GRB2: variants seen among roughly 807,000 people sequenced by gnomAD.
GRB2 encodes growth factor receptor bound protein 2, also known as growth factor receptor-bound protein 2.
Under a neutral mutation model 27.4 loss-of-function variants are expected in GRB2, and 2 were observed. The observed-to-expected ratio is 0.07, with a 90% CI of 0.03 to 0.23. The LOEUF (loss-of-function observed/expected upper bound fraction) is 0.23. Ranked by LOEUF, GRB2 falls within the 10% of genes least tolerant of loss-of-function variation. The pLI is 1.00. For missense variants in GRB2, 102 were observed against 282.4 expected (o/e 0.36, Z 4.58); for synonymous variants, 94 against 99.6 (o/e 0.94, Z 0.33).
chr17:75,393,820 C>T, intron 1 of GRB2, 55 bp from the exon 2 acceptor site: 1 of 557,636 alleles, frequency 1.8e-6, no homozygotes, highest in Non-Finnish European at 3.2e-6. Flanking sequence ...GGCAACCCCG[C>T]CCTGCCAATC....
rs941415049 is a variant in GRB2 at position 75,339,081 on chromosome 17, T to C, written c.79-6284A>G. The C allele has an allele frequency of 1.9e-5, 26 of 1,361,262 alleles. No homozygotes were observed. The South Asian group carries it at 2.9e-4, about 15-fold the overall frequency. 84.3% of individuals were successfully genotyped at this position (1,361,262 alleles called of 1,614,324 possible). ...GCAGATCTAAGAGAATGCTGGCTAT[T>C]AAAAGATGCAAGCATTTTGAACTGG... On this transcript the variant is annotated intron_variant, in intron 2 of 5. Coordinates refer to ENST00000316804, the MANE Select transcript of GRB2 (RefSeq NM_002086.5).
intron 2 of GRB2, among the ~76,000 whole-genome samples, chr17:75,374,701 C>T (rs1201516293): frequency 6.6e-6 from 1 of 151,868 alleles, no homozygotes; most frequent in Non-Finnish European, 1.5e-5. Context: ...GTGGGAAGAT[C>T]GCTGGAGCCC....
chr17:75,331,500 C>T (rs936434885), intron 3 of GRB2, among the ~76,000 whole-genome samples: 16 of 152,136 alleles, frequency 1.1e-4, no homozygotes, highest in Non-Finnish European at 2.1e-4. Context: ...ATAAGAATTT[C>T]GAGCCACAGG....
chr17:75,353,490 C>T (rs758657030), intron 2 of GRB2, among the ~76,000 whole-genome samples: 2 of 151,972 alleles, frequency 1.3e-5, no homozygotes, highest in African/African-American at 2.4e-5. Flanking sequence ...TTACCGGGCG[C>T]GGTGGCTCAC....
chr17:75,370,538 G>T (rs375384432), intron 2 of GRB2, among the ~76,000 whole-genome samples: 92 of 152,312 alleles, frequency 6.0e-4, no homozygotes, highest in African/African-American at 2.2e-3. Flanking sequence ...GAAATACAGA[G>T]ACACAATTAA....
intron 4 of GRB2, among the ~76,000 whole-genome samples, chr17:75,324,366 ATTTTTTTT>A (rs1156329058): frequency 3.2e-5 from 3 of 93,630 alleles, no homozygotes; most frequent in African/African-American, 1.1e-4. Context: ...CCATTTTTGT[ATTTTTTTT>A]TTTTTTTTTT....
At chr17:75,400,059 G>A (rs1262410396) in intron 1 of GRB2, among the ~76,000 whole-genome samples, 1 of 151,466 alleles carries the variant, frequency 6.6e-6, no homozygotes, top group Non-Finnish European at 1.5e-5. Flanking sequence ...TGCAGTGGGT[G>A]CCATCTTGGC....
intron 2 of GRB2, among the ~76,000 whole-genome samples, chr17:75,336,992 C>T (rs1307849470): frequency 1.3e-5 from 2 of 152,186 alleles, no homozygotes; most frequent in Non-Finnish European, 2.9e-5. Context: ...CCTACCTTGG[C>T]CTCTCAAAGT....
At chr17:75,335,515 T>A (rs1567859257) in intron 2 of GRB2, among the ~76,000 whole-genome samples, 1 of 152,212 alleles carries the variant, frequency 6.6e-6, no homozygotes, top group East Asian at 1.9e-4. Context: ...GAATGACAGA[T>A]GATCGACAAC....
intron 2 of GRB2, among the ~76,000 whole-genome samples, chr17:75,360,124 T>G (rs1181969639): frequency 6.6e-6 from 1 of 152,150 alleles, no homozygotes; most frequent in Non-Finnish European, 1.5e-5. Flanking sequence ...TCTAATATAC[T>G]TAAACAGTCA....
chr17:75,351,156 G>T (rs1389342553), intron 2 of GRB2, among the ~76,000 whole-genome samples: 1 of 151,982 alleles, frequency 6.6e-6, no homozygotes, highest in Non-Finnish European at 1.5e-5. Context: ...TAGGGTAGGG[G>T]GCTTCTGACT....
At chr17:75,367,766 G>A (rs116390083) in intron 2 of GRB2, among the ~76,000 whole-genome samples, 29 of 152,252 alleles carry the variant, frequency 1.9e-4, no homozygotes, top group African/African-American at 6.0e-4. Flanking sequence ...TTCTGTTAAT[G>A]ACACCAATAT....
At chr17:75,329,666 G>A (rs2078525878) in intron 3 of GRB2, among the ~76,000 whole-genome samples, 1 of 152,144 alleles carries the variant, frequency 6.6e-6, no homozygotes, top group South Asian at 2.1e-4. Context: ...GCTAAGGTGG[G>A]AGGATTGCTT....
chr17:75,342,005 T>C (rs1306855323), intron 2 of GRB2, among the ~76,000 whole-genome samples: 1 of 152,174 alleles, frequency 6.6e-6, no homozygotes, highest in African/African-American at 2.4e-5. Context: ...TGCAGTCAGC[T>C]AGTCAACTCA....
Position 75,321,776 on chromosome 17 carries a change from C to T in GRB2, c.351G>A (p.Lys117=). 6.2e-7 allele frequency: 1 copy of T among 1,614,190 alleles called. No homozygotes were observed. The highest frequency in any genetic ancestry group is 8.5e-7 in the Non-Finnish European group (1 of 1,180,020). Residue 117 remains lysine, a synonymous_variant, in exon 5 of 6, where the codon AAG becomes AAA. Coordinates refer to ENST00000316804, the MANE Select transcript of GRB2 (RefSeq NM_002086.5). ...HFKVLRDGAG[K]YFLWVVKFNS... is the part of the protein sequence containing the mutation. The stretch of plus-strand genomic sequence containing the variant: ...TGAACTTCACCACCCAGAGGAAGTA[C>T]TTCCCGGCTCCATCTCGGAGCACCT...
chr17:75,341,229 C>A (rs574417171), intron 2 of GRB2, among the ~76,000 whole-genome samples: 41 of 151,930 alleles, frequency 2.7e-4, no homozygotes, highest in African/African-American at 9.7e-4. Flanking sequence ...GTCAGGAGTT[C>A]GAGACCAGCC....
At chr17:75,393,912 C>CG (rs2079015030) in intron 1 of GRB2, 147 bp from the exon 2 acceptor site, 2 of 441,844 alleles carry the variant, frequency 4.5e-6, no homozygotes, top group Admixed American at 8.3e-5. Flanking sequence ...AGCCCCCCCC[C>CG]GCCGACTTCT....
At chr17:75,370,872 G>A (rs1237518987) in intron 2 of GRB2, 3 of 152,180 alleles carry the variant, frequency 2.0e-5, no homozygotes, top group South Asian at 2.1e-4. Flanking sequence ...CAATGTGTTC[G>A]ACACCTCCTT....
At chr17:75,337,897 AC>A (rs1439013419) in intron 2 of GRB2, among the ~76,000 whole-genome samples, 150 of 127,532 alleles carry the variant, frequency 1.2e-3, no homozygotes, top group African/African-American at 3.9e-3. Flanking sequence ...TACTACTACT[AC>A]TACTATTATT....
Sources: allele counts gnomAD v4.1 joint callset (sites outside exome capture counted in the v4.1 genomes callset), GRCh38; gene constraint gnomAD v4.1.1; transcripts MANE v1.5; gene names NCBI Gene and HGNC (gene_info 2026-07-23, HGNC 2026-07-21).